The following TNFSF4 variants were observed in gnomAD, a reference collection of about 807,000 sequenced individuals.
The protein encoded by TNFSF4 is TNF superfamily member 4.
TNFSF4 carries 4 observed loss-of-function variants against 7.3 expected under a neutral mutation model. The observed-to-expected ratio is 0.55, with a 90% CI of 0.27 to 1.25. The LOEUF is 1.25. Ranked by LOEUF, TNFSF4 falls within the 50% of genes most tolerant of loss-of-function variation. TNFSF4 has a pLI of 0.12. For missense variants in TNFSF4, 181 were observed against 208.8 expected (o/e 0.87, Z 0.82); for synonymous variants, 76 against 83.7 (o/e 0.91, Z 0.50).
chr1:173,420,715 C>G, the TNFSF4 span, among the ~76,000 whole-genome samples: 1 of 152,154 alleles, frequency 6.6e-6, no homozygotes, highest in South Asian at 2.1e-4. Context: ...AGATGATGCC[C>G]TAGGGAATAA....
At chr1:173,246,327 T>G in the TNFSF4 span, among the ~76,000 whole-genome samples, 2 of 152,016 alleles carry the variant, frequency 1.3e-5, no homozygotes, top group Non-Finnish European at 2.9e-5. Flanking sequence ...CCCCAACAGG[T>G]TCCAGTGTGT....
At chr1:173,437,666 G>A in the TNFSF4 span, among the ~76,000 whole-genome samples, 1 of 152,044 alleles carries the variant, frequency 6.6e-6, no homozygotes, top group African/African-American at 2.4e-5. Context: ...TTGCCTCACT[G>A]TATTTTTCTT....
At chr1:173,228,177 C>T in the TNFSF4 span, among the ~76,000 whole-genome samples, 16 of 152,194 alleles carry the variant, frequency 1.1e-4, no homozygotes, top group African/African-American at 3.4e-4. Context: ...GAGGCACCCC[C>T]GAGTAGGAGC....
At chr1:173,302,966 C>G in the TNFSF4 span, among the ~76,000 whole-genome samples, 1 of 151,698 alleles carries the variant, frequency 6.6e-6, no homozygotes, top group East Asian at 1.9e-4. Context: ...TGTATGATGA[C>G]AGAGGTATAG....
chr1:173,327,280 T>G, the TNFSF4 span, among the ~76,000 whole-genome samples: 1 of 152,250 alleles, frequency 6.6e-6, no homozygotes, highest in African/African-American at 2.4e-5. Flanking sequence ...GATTCCCTAT[T>G]TAATAAATGG....
At chr1:173,382,855 T>A in the TNFSF4 span, among the ~76,000 whole-genome samples, 4 of 146,116 alleles carry the variant, frequency 2.7e-5, no homozygotes, top group Non-Finnish European at 6.0e-5. Context: ...GGGGCACCAT[T>A]CTAAGAGATT....
chr1:173,289,567 C>T, the TNFSF4 span, among the ~76,000 whole-genome samples: 1 of 151,932 alleles, frequency 6.6e-6, no homozygotes, highest in African/African-American at 2.4e-5. Flanking sequence ...AGAAATGTGA[C>T]CCATAGCCAG....
the TNFSF4 span, among the ~76,000 whole-genome samples, chr1:173,316,257 T>C: frequency 6.6e-6 from 1 of 152,130 alleles, no homozygotes; most frequent in Non-Finnish European, 1.5e-5. Context: ...AGTTTAACTC[T>C]AATAATCATC....
At chr1:173,360,400 G>T in the TNFSF4 span, among the ~76,000 whole-genome samples, 1 of 152,188 alleles carries the variant, frequency 6.6e-6, no homozygotes, top group Non-Finnish European at 1.5e-5. Flanking sequence ...ACTACCTGTG[G>T]GTTGCAATAG....
the TNFSF4 span, among the ~76,000 whole-genome samples, chr1:173,325,788 C>A: frequency 6.6e-6 from 1 of 152,190 alleles, no homozygotes; most frequent in Non-Finnish European, 1.5e-5. Context: ...AATTCCTCGA[C>A]ACATACACCC....
At chr1:173,420,558 C>T in the TNFSF4 span, among the ~76,000 whole-genome samples, 1 of 151,996 alleles carries the variant, frequency 6.6e-6, no homozygotes, top group Admixed American at 6.5e-5. Context: ...TTTTTCCTGG[C>T]CAGTAGACCC....
At chr1:173,221,113 G>A in the TNFSF4 span, among the ~76,000 whole-genome samples, 1 of 152,138 alleles carries the variant, frequency 6.6e-6, no homozygotes, top group Non-Finnish European at 1.5e-5. Flanking sequence ...GAAAGCCTAA[G>A]ACAAAAACAA....
chr1:173,321,012 TA>T, the TNFSF4 span, among the ~76,000 whole-genome samples: 2 of 152,116 alleles, frequency 1.3e-5, no homozygotes, highest in African/African-American at 2.4e-5. Context: ...AAAGAGCCCA[TA>T]TAGCCAAGAA....
the TNFSF4 span, among the ~76,000 whole-genome samples, chr1:173,435,304 C>T: frequency 6.6e-6 from 1 of 152,192 alleles, no homozygotes; most frequent in African/African-American, 2.4e-5. Flanking sequence ...TACTAAATAA[C>T]TGAGCTATTT....
chr1:173,337,291 G>A, the TNFSF4 span, among the ~76,000 whole-genome samples: 1 of 152,126 alleles, frequency 6.6e-6, no homozygotes, highest in Non-Finnish European at 1.5e-5. Flanking sequence ...GGGCCACCAA[G>A]TTACCATGAA....
At chr1:173,305,848 C>G in the TNFSF4 span, among the ~76,000 whole-genome samples, 1 of 151,828 alleles carries the variant, frequency 6.6e-6, no homozygotes, top group Non-Finnish European at 1.5e-5. Context: ...GAAACTGCCT[C>G]CATGATCCAG....
chr1:173,443,930 CTT>C, the TNFSF4 span, among the ~76,000 whole-genome samples: 1 of 152,168 alleles, frequency 6.6e-6, no homozygotes, highest in Non-Finnish European at 1.5e-5. Context: ...CTTTCCAACT[CTT>C]GTTTTCTTTG....
chr1:173,413,809 C>G, the TNFSF4 span, among the ~76,000 whole-genome samples: 1 of 152,332 alleles, frequency 6.6e-6, no homozygotes, highest in African/African-American at 2.4e-5. Flanking sequence ...ACCAGCCAAT[C>G]CATGTACACT....
the TNFSF4 span, among the ~76,000 whole-genome samples, chr1:173,264,059 C>A: frequency 6.6e-6 from 1 of 152,168 alleles, no homozygotes; most frequent in Non-Finnish European, 1.5e-5. Context: ...ACAAAATAAT[C>A]TGTATAACAA....
Sources: allele counts gnomAD v4.1 joint callset (sites outside exome capture counted in the v4.1 genomes callset), GRCh38; gene constraint gnomAD v4.1.1; transcripts MANE v1.5; gene names NCBI Gene and HGNC (gene_info 2026-07-23, HGNC 2026-07-21).